The following CSGALNACT1 variants were observed in gnomAD, a reference collection of about 807,000 sequenced individuals.
CSGALNACT1 encodes the protein beta4GalNAcT-1.
In CSGALNACT1, 52 loss-of-function variants were observed where a neutral mutation model predicts 51.0. The ratio of observed to expected loss-of-function variants is 1.02; its 90% confidence interval spans 0.82 to 1.29. The LOEUF (loss-of-function observed/expected upper bound fraction) is 1.29. Among genes scored for constraint, CSGALNACT1 ranks in the 50% most tolerant of loss-of-function variants. The pLI is 0.00. For missense variants in CSGALNACT1, 935 were observed against 679.2 expected (o/e 1.38, Z -4.19); for synonymous variants, 341 against 254.4 (o/e 1.34, Z -3.24).
chr8:19,610,980 C>T (rs1266525231), intron 1 of CSGALNACT1, among the ~76,000 whole-genome samples: 1 of 152,184 alleles, frequency 6.6e-6, no homozygotes, highest in African/African-American at 2.4e-5. Context: ...GCAGCCTGCC[C>T]GTCTGTATGC....
At chr8:19,583,038 C>T (rs1207143430) in intron 3 of CSGALNACT1, among the ~76,000 whole-genome samples, 2 of 152,136 alleles carry the variant, frequency 1.3e-5, no homozygotes, top group Admixed American at 6.5e-5. Flanking sequence ...CATATATACA[C>T]TGGAGAAAAA....
At chr8:19,652,195 C>G (rs557832247) in intron 1 of CSGALNACT1, among the ~76,000 whole-genome samples, 54 of 152,246 alleles carry the variant, frequency 3.5e-4, no homozygotes, top group African/African-American at 1.1e-3. Context: ...AAGCAATCCA[C>G]CTGCCTAGGC....
chr8:19,572,264 T>C (rs1020505058), intron 3 of CSGALNACT1, among the ~76,000 whole-genome samples: 2 of 152,190 alleles, frequency 1.3e-5, no homozygotes, highest in African/African-American at 4.8e-5. Context: ...TCAAACTCTA[T>C]CTCCCTAGAT....
exon 8 of CSGALNACT1, chr8:19,418,737 A>C (rs772401533): frequency 6.2e-7 from 1 of 1,610,040 alleles, no homozygotes; most frequent in Non-Finnish European, 8.5e-7. Flanking sequence ...GAACTGGATA[A>C]AATACCTTCT....
chr8:19,732,633 T>C (rs903807792), intron 1 of CSGALNACT1: 4 of 152,210 alleles, frequency 2.6e-5, no homozygotes, highest in African/African-American at 9.6e-5. Flanking sequence ...CATCAAGGTT[T>C]ATGAGTTAAA....
intron 1 of CSGALNACT1, among the ~76,000 whole-genome samples, chr8:19,666,842 A>G (rs1589380733): frequency 1.1e-5 from 1 of 92,032 alleles, no homozygotes; most frequent in Admixed American, 9.8e-5. Flanking sequence ...AGAAAGAAAG[A>G]AAGAAAGAAA....
chr8:19,733,152 C>G (rs1546099), intron 1 of CSGALNACT1, among the ~76,000 whole-genome samples: 25,544 of 152,082 alleles, frequency 0.17, 2,677 homozygotes, highest in East Asian at 0.39. Flanking sequence ...ATCAATGTAA[C>G]AAAATATTGT....
intron 3 of CSGALNACT1, among the ~76,000 whole-genome samples, chr8:19,553,593 A>G (rs549413067): frequency 6.1e-5 from 9 of 146,724 alleles, no homozygotes; most frequent in African/African-American, 2.3e-4. Flanking sequence ...ATATATATAT[A>G]TAAAAATACA....
At chr8:19,428,475 G>C (rs780717807) in intron 6 of CSGALNACT1, among the ~76,000 whole-genome samples, 1 of 152,054 alleles carries the variant, frequency 6.6e-6, no homozygotes, top group Non-Finnish European at 1.5e-5. Flanking sequence ...AACTGTGTGG[G>C]GGAAAATGCC....
At chr8:19,439,858 C>G (rs1314511378) in exon 6 of CSGALNACT1, 12 of 1,613,944 alleles carry the variant, frequency 7.4e-6, no homozygotes, top group Non-Finnish European at 1.0e-5. Context: ...ATTCCTTTGA[C>G]TTCATTTATT....
At chr8:19,565,893 A>G (rs1421163914) in intron 3 of CSGALNACT1, among the ~76,000 whole-genome samples, 1 of 152,248 alleles carries the variant, frequency 6.6e-6, no homozygotes, top group South Asian at 2.1e-4. Flanking sequence ...CCTGGGCAAC[A>G]GAGCAAGGCT....
intron 1 of CSGALNACT1, among the ~76,000 whole-genome samples, chr8:19,676,608 T>C (rs1341306662): frequency 6.6e-6 from 1 of 152,150 alleles, no homozygotes; most frequent in Non-Finnish European, 1.5e-5. Context: ...ACATGCTGTG[T>C]AGTATAAGAA....
intron 4 of CSGALNACT1, among the ~76,000 whole-genome samples, chr8:19,491,260 C>T (rs770859187): frequency 4.7e-4 from 72 of 152,112 alleles, no homozygotes; most frequent in African/African-American, 1.6e-3. Context: ...TCTACTATAA[C>T]GATACCGCAA....
At chr8:19,624,618 A>C (rs906164444) in intron 1 of CSGALNACT1, among the ~76,000 whole-genome samples, 1 of 151,646 alleles carries the variant, frequency 6.6e-6, no homozygotes, top group African/African-American at 2.4e-5. Context: ...GTCTCCCCCA[A>C]ATGGTGACTC....
At chr8:19,456,800 A>C (rs1174101317) in intron 5 of CSGALNACT1, among the ~76,000 whole-genome samples, 2 of 152,246 alleles carry the variant, frequency 1.3e-5, no homozygotes, top group African/African-American at 4.8e-5. Flanking sequence ...GCTAATTAAA[A>C]GAAATTTACG....
At chr8:19,682,833 A>C (rs1219434342), upstream of CSGALNACT1, 1 of 432,166 alleles carries the variant, frequency 2.3e-6, no homozygotes, top group Non-Finnish European at 4.7e-6. Context: ...CCTGTTCTGC[A>C]ATCAGGGCCA....
chr8:19,439,912 C>A (rs769645479), exon 6 of CSGALNACT1: 2 of 1,614,078 alleles, frequency 1.2e-6, no homozygotes, highest in East Asian at 4.5e-5. Context: ...ACTCTCCCAT[C>A]CTGCTCAATG....
At chr8:19,405,274 T>C in exon 10 of CSGALNACT1, 1 of 453,646 alleles carries the variant, frequency 2.2e-6, no homozygotes, top group South Asian at 1.6e-5. Context: ...TCTTTTCTGG[T>C]CCATTTTATT....
intron 1 of CSGALNACT1, among the ~76,000 whole-genome samples, chr8:19,643,332 T>C (rs933339943): frequency 9.2e-5 from 14 of 152,136 alleles, no homozygotes; most frequent in African/African-American, 1.2e-4. Flanking sequence ...TAGACTTCAA[T>C]AGATTAAAAA....
Sources: allele counts gnomAD v4.1 joint callset (sites outside exome capture counted in the v4.1 genomes callset), GRCh38; gene constraint gnomAD v4.1.1; transcripts MANE v1.5; gene names NCBI Gene and HGNC (gene_info 2026-07-23, HGNC 2026-07-21).